Variants in AKR1C4 observed in about 807,000 individuals in gnomAD.
The protein encoded by AKR1C4 is aldo-keto reductase family 1 member C4, also known as 3-alpha-HSD1.
Under a neutral mutation model 41.0 loss-of-function variants are expected in AKR1C4, and 44 were observed. That is an observed-to-expected ratio of 1.07 (90% CI 0.84 to 1.38). AKR1C4 has a LOEUF of 1.38. Ranked by LOEUF, AKR1C4 falls within the 40% of genes most tolerant of loss-of-function variation. AKR1C4 has a pLI of 0.00. For missense variants in AKR1C4, 438 were observed against 387.9 expected (o/e 1.13, Z -1.09); for synonymous variants, 165 against 137.7 (o/e 1.20, Z -1.39).
chr10:5,196,840 A>G lies in AKR1C4; in HGVS notation c.-28A>G. On this transcript the variant is annotated 5_prime_UTR_variant, in exon 1 of 9. Transcript: ENST00000263126. ...GCCAGATGTTGCTGAAGGAAACAGG[A>G]TCTGCTTAGTGAAAGAAGTGGCAAG... is the stretch of plus-strand genomic sequence containing the variant. The G allele has an allele frequency of 1.2e-6, 2 of 1,611,290 alleles. No homozygotes were observed. The highest frequency in any genetic ancestry group is 1.7e-6 in the Non-Finnish European group (2 of 1,177,414).
At chr10:5,205,867 A>G (rs782159506) in intron 4 of AKR1C4, 33 bp downstream of exon 4, 7 of 1,587,614 alleles carry the variant, frequency 4.4e-6, no homozygotes, top group Non-Finnish European at 6.0e-6. Flanking sequence ...ACAGAAAAGG[A>G]AGACAAGAAG....
At position 5,197,208 on chromosome 10, in the gene AKR1C4, A is replaced by G. The variant is rs566481864; in HGVS notation, c.84+257A>G. ...TATATGCTGTTTCTGTGTATTGCCCAGCTTGGCAGAATATATAAAACTCAA... is the reference window on the plus strand; with the variant it reads ...TATATGCTGTTTCTGTGTATTGCCCGGCTTGGCAGAATATATAAAACTCAA... On this transcript the variant is annotated intron_variant, in intron 1 of 8. Coordinates refer to ENST00000263126, the MANE Select transcript of AKR1C4 (RefSeq NM_001818.5). 2.0e-5 allele frequency among the ~76,000 whole-genome samples: 3 copies of G among 152,342 alleles called. No homozygotes were observed. In the South Asian group the frequency reaches 6.2e-4, roughly 32 times the overall value.
rs782677864 is a variant in AKR1C4, at chr10:5,204,465, A to G, written c.341A>G (p.Tyr114Cys). ...KKLQLDYVDL[Y>C]LLHFPMALKP... ...CTTCAACTGGACTATGTTGACCTCT[A>G]TCTTCTTCATTTCCCAATGGCTCTC... Residue 114 changes from tyrosine (Y) to cysteine (C), a missense_variant, in exon 3 of 9, where the codon TAT becomes TGT. Coordinates refer to ENST00000263126, the MANE Select transcript of AKR1C4 (RefSeq NM_001818.5). 55 of 1,613,504 alleles carry G rather than the reference A, an allele frequency of 3.4e-5. No individual in the cohort carries two copies. The South Asian group carries it at 5.8e-4, about 17-fold the overall frequency.
At chr10:5,211,864 G>A (rs982458339) in intron 5 of AKR1C4, among the ~76,000 whole-genome samples, 1 of 152,182 alleles carries the variant, frequency 6.6e-6, no homozygotes, top group Non-Finnish European at 1.5e-5. Flanking sequence ...GCAAAGAGGA[G>A]CAAGTCATGT....
Position 5,205,777 on chromosome 10 carries a change from A to G in AKR1C4, c.390A>G (p.Pro130=), listed in dbSNP as rs1832474516. The stretch of plus-strand genomic sequence containing the variant: ...TTCAGCCAGGTGAGACGCCACTACC[A>G]AAAGATGAAAATGGAAAAGTAATAT... The part of the protein sequence containing the change: ...MALKPGETPL[P]KDENGKVIFD... Residue 130 remains proline, a synonymous_variant, in exon 4 of 9, where the codon CCA becomes CCG. Transcript: ENST00000263126. 1.9e-6 allele frequency: 3 copies of G among 1,613,432 alleles called. No individual in the cohort carries two copies. Among genetic ancestry groups the G allele is most frequent in the Non-Finnish European group, 1.7e-6 (2 of 1,179,622 alleles).
intron 5 of AKR1C4, among the ~76,000 whole-genome samples, chr10:5,209,421 C>T (rs758924664): frequency 6.6e-6 from 1 of 151,942 alleles, no homozygotes; most frequent in Non-Finnish European, 1.5e-5. Context: ...ATTTTTTTCA[C>T]AAAGTCAAGA....
intron 6 of AKR1C4, 49 bp downstream of exon 6, chr10:5,212,774 A>C (rs1449266286): frequency 2.5e-6 from 4 of 1,578,592 alleles, no homozygotes; most frequent in African/African-American, 2.7e-5. Flanking sequence ...TTGATGAAAA[A>C]TTTTAGTTAT....
chr10:5,212,499 C>G, intron 5 of AKR1C4, 117 bp from the exon 6 acceptor site: 1 of 928,698 alleles, frequency 1.1e-6, no homozygotes, highest in Non-Finnish European at 1.6e-6. Context: ...ATGATTGTTA[C>G]TTGACAGTAA....
intron 2 of AKR1C4, among the ~76,000 whole-genome samples, chr10:5,202,967 GTGT>G (rs1410903013): frequency 1.1e-4 from 15 of 140,690 alleles, no homozygotes; most frequent in African/African-American, 4.1e-4. Flanking sequence ...GTGTGTGTGT[GTGT>G]GTGTGTGTGT....
At chr10:5,214,305 C>T (rs1554798265) in intron 7 of AKR1C4, among the ~76,000 whole-genome samples, 1 of 152,110 alleles carries the variant, frequency 6.6e-6, no homozygotes, top group Admixed American at 6.5e-5. Flanking sequence ...CTTTCCTGTA[C>T]TGTTTAAGAT....
At chr10:5,209,837 G>A (rs1811960) in intron 5 of AKR1C4, among the ~76,000 whole-genome samples, 38,242 of 151,250 alleles carry the variant, frequency 0.25, 5,870 homozygotes, top group East Asian at 0.68. Context: ...TGACATTTGG[G>A]TGGGGACACA....
Position 5,213,160 on chromosome 10 carries a change from G to A in AKR1C4, c.846+1G>A, listed in dbSNP as rs782032237. 7 of 1,613,112 alleles carry A rather than the reference G, an allele frequency of 4.3e-6. No homozygotes were observed. The highest frequency in any genetic ancestry group is 3.3e-5 in the South Asian group (3 of 91,048). The stretch of plus-strand genomic sequence containing the variant: ...GCAGCGGATCAGAGAGAACATCCAG[G>A]TGAGGAGTTGGGTGGGCATCAGGGC... On this transcript the variant is annotated splice_donor_variant, in intron 7 of 8. Transcript: ENST00000263126. LOFTEE classifies it high-confidence loss of function.
chr10:5,198,813 G>T (rs1400981961), intron 1 of AKR1C4, among the ~76,000 whole-genome samples: 3 of 152,108 alleles, frequency 2.0e-5, no homozygotes, highest in African/African-American at 7.2e-5. Flanking sequence ...TTGAGCCTGG[G>T]TAACATAGGA....
intron 3 of AKR1C4, among the ~76,000 whole-genome samples, chr10:5,205,231 T>C (rs1461341747): frequency 1.3e-5 from 2 of 152,230 alleles, no homozygotes; most frequent in African/African-American, 2.4e-5. Flanking sequence ...TTGGCAATGA[T>C]AGCTTTGAGG....
rs557786686 is a variant in AKR1C4 at position 5,213,105 on chromosome 10, G to A, written c.792G>A (p.Gly264=). ...CCCTGCGCTACCAGCTGCAGCGTGG[G>A]GTTGTGGTCCTGGCCAAGAGCTACA... The part of the protein sequence containing the change: ...LIALRYQLQR[G]VVVLAKSYNE... Residue 264 remains glycine (G), a synonymous_variant, in exon 7 of 9, where the codon GGG becomes GGA. Transcript: ENST00000263126. 2.5e-6 allele frequency: 4 copies of A among 1,614,132 alleles called. No individual in the cohort carries two copies. The African/African-American group carries it at 5.3e-5, about 22-fold the overall frequency.
chr10:5,215,615 C>T (rs369690133), intron 7 of AKR1C4, among the ~76,000 whole-genome samples: 48 of 152,280 alleles, frequency 3.2e-4, no homozygotes, highest in Middle Eastern at 3.4e-3. Flanking sequence ...CCACCAGATA[C>T]CCTTAGTCAT....
intron 8 of AKR1C4, among the ~76,000 whole-genome samples, chr10:5,217,773 A>T (rs10795256): frequency 0.79 from 120,153 of 152,094 alleles, 50,074 homozygotes; most frequent in East Asian, 0.98. Context: ...AAAACAAAAA[A>T]ATCAAGGGAA....
In AKR1C4 at chr10:5,196,894, G is replaced by A. The variant is rs1554796366; in HGVS notation, c.27G>A (p.Glu9=). 6.8e-6 allele frequency: 11 copies of A among 1,613,660 alleles called. No homozygotes were observed. Among genetic ancestry groups the A allele is most frequent in the Admixed American group, 1.7e-5 (1 of 59,968 alleles). Residue 9 remains glutamate, a synonymous_variant, in exon 1 of 9, where the codon GAG becomes GAA. Coordinates refer to ENST00000263126, the MANE Select transcript of AKR1C4 (RefSeq NM_001818.5). MDPKYQRV[E]LNDGHFMPVL... Reference sequence around the variant, plus strand: ...TGGATCCCAAATATCAGCGTGTAGAGCTAAATGATGGTCACTTCATGCCCG... The same window carrying A: ...TGGATCCCAAATATCAGCGTGTAGAACTAAATGATGGTCACTTCATGCCCG...
At chr10:5,201,838 T>G (rs146055767) in intron 2 of AKR1C4, among the ~76,000 whole-genome samples, 5 of 152,320 alleles carry the variant, frequency 3.3e-5, no homozygotes, top group African/African-American at 7.2e-5. Flanking sequence ...GGCTTAACAG[T>G]TGTCCCAGCA....
Sources: allele counts gnomAD v4.1 joint callset (sites outside exome capture counted in the v4.1 genomes callset), GRCh38; gene constraint gnomAD v4.1.1; transcripts MANE v1.5; gene names NCBI Gene and HGNC (gene_info 2026-07-23, HGNC 2026-07-21).